Variants in NR4A1 observed in about 807,000 individuals in gnomAD.
The protein encoded by NR4A1 is nuclear receptor subfamily 4immunitygroup A member 1.
Under a neutral mutation model 47.5 loss-of-function variants are expected in NR4A1, and 24 were observed. That is an observed-to-expected ratio of 0.50 (90% CI 0.37 to 0.71). The LOEUF (loss-of-function observed/expected upper bound fraction) is 0.71, where lower values mean the gene tolerates loss of function less well. Among genes scored for constraint, NR4A1 ranks in the 30% least tolerant of loss-of-function variants. NR4A1 has a pLI of 0.00. For synonymous variants in NR4A1, 353 were observed against 345.7 expected, an observed-to-expected ratio of 1.02 and a Z score of -0.24; for missense variants, 669 against 788.6, an observed-to-expected ratio of 0.85 and a Z score of 1.82.
chr12:52,042,413 C>T (rs554442182), intron 2 of NR4A1, among the ~76,000 whole-genome samples: 61 of 152,184 alleles, frequency 4.0e-4, no homozygotes, highest in African/African-American at 1.2e-3. Flanking sequence ...GCCTGCCCCT[C>T]CTCACTGTGG....
intron 1 of NR4A1, chr12:52,053,691 G>C (rs1939097744): frequency 6.6e-6 from 1 of 152,540 alleles, no homozygotes; most frequent in Non-Finnish European, 1.5e-5. Flanking sequence ...CCTTTGCTCA[G>C]TGTGCAGGGT....
rs773192468 is a variant in NR4A1, at chr12:52,054,461, G to C, written c.133G>C (p.Ala45Pro). The C allele has an allele frequency of 5.6e-6, 9 of 1,613,418 alleles. No homozygotes were observed. Among genetic ancestry groups the C allele is most frequent in the African/African-American group, 1.3e-5 (1 of 74,866 alleles). ...MDLASPEAAPAAPTALPSFST... is the reference protein window; with the variant it reads ...MDLASPEAAPPAPTALPSFST... ...CCTGGCCAGCCCCGAGGCAGCCCCC[G>C]CTGCCCCCACTGCCCTGCCCAGCTT... The change falls in exon 2 of 7, where the codon GCT becomes CCT. Residue 45 changes from alanine to proline, a missense_variant. Ala to Pro is a conservative substitution (Grantham distance 27). Coordinates refer to ENST00000394825, the MANE Select transcript of NR4A1 (RefSeq NM_173157.3).
At chr12:52,046,825 T>C (rs1366952263), upstream of NR4A1, among the ~76,000 whole-genome samples, 1 of 151,578 alleles carries the variant, frequency 6.6e-6, no homozygotes, top group Non-Finnish European at 1.5e-5. Context: ...CTACTAAAAA[T>C]ACAAAAAATT....
At chr12:52,057,838 T>C (rs1939357094) in intron 6 of NR4A1, among the ~76,000 whole-genome samples, 1 of 152,174 alleles carries the variant, frequency 6.6e-6, no homozygotes, top group Non-Finnish European at 1.5e-5. Context: ...TTATGCTGCA[T>C]ATAGAAAAGT....
chr12:52,055,178 T>C lies in NR4A1; in HGVS notation c.850T>C (p.Cys284Arg). Reference protein sequence around the residue: ...ASCQHYGVRTCEGCKGFFKRT... With the variant: ...ASCQHYGVRTREGCKGFFKRT... Reference sequence around the variant, plus strand: ...ATGCCAGCATTATGGTGTCCGCACATGTGAGGGCTGCAAGGGCTTCTTCAA... The same window carrying C: ...ATGCCAGCATTATGGTGTCCGCACACGTGAGGGCTGCAAGGGCTTCTTCAA... Residue 284 changes from cysteine (C) to arginine (R), a missense_variant, in exon 2 of 7, where the codon TGT becomes CGT. Transcript: ENST00000394825. The C allele has an allele frequency of 6.2e-7, 1 of 1,613,534 alleles. No individual in the cohort carries two copies. The highest frequency in any genetic ancestry group is 8.5e-7 in the Non-Finnish European group (1 of 1,180,016).
At chr12:52,029,241 G>A (rs2120916934) in intron 1 of NR4A1, among the ~76,000 whole-genome samples, 1 of 152,312 alleles carries the variant, frequency 6.6e-6, no homozygotes, top group East Asian at 1.9e-4. Flanking sequence ...CTCAGATGTG[G>A]GGGCAGAATT....
At chr12:52,052,480 CTG>C (rs1939035506) in intron 1 of NR4A1, 3 of 985,576 alleles carry the variant, frequency 3.0e-6, no homozygotes, top group Non-Finnish European at 3.6e-6. Context: ...CCAGTAGTCT[CTG>C]TTGGATCTTA....
At chr12:52,051,176 C>T (rs1218623374), upstream of NR4A1, among the ~76,000 whole-genome samples, 1 of 152,182 alleles carries the variant, frequency 6.6e-6, no homozygotes, top group Admixed American at 6.5e-5. Context: ...GCGCGAGGAG[C>T]CTATTTATAG....
At chr12:52,034,427 C>T (rs1160028994) in intron 1 of NR4A1, among the ~76,000 whole-genome samples, 1 of 152,224 alleles carries the variant, frequency 6.6e-6, no homozygotes, top group African/African-American at 2.4e-5. Flanking sequence ...GCGTCACTGG[C>T]CATGGTGGCC....
chr12:52,037,167 CGGGCGGCCGCGGGCGCGG>C (rs1764732935), intron 1 of NR4A1: 1 of 149,068 alleles, frequency 6.7e-6, no homozygotes, highest in Non-Finnish European at 1.5e-5. Context: ...GGACAGCGCG[CGGGCGGCCGCGGGCGCGG>C]GGGCGGGGGG....
In NR4A1 at chr12:52,054,726, G is replaced by A. The variant is rs760885655; in HGVS notation, c.398G>A (p.Gly133Asp). 7 of 1,613,120 alleles carry A rather than the reference G, an allele frequency of 4.3e-6. No individual in the cohort carries two copies. The highest frequency in any genetic ancestry group is 5.9e-6 in the Non-Finnish European group (7 of 1,180,016). ...ALSSSGSDYY[G>D]SPCSAPSPST... ...TCCTCCAGTGGCTCTGACTACTATG[G>A]CAGCCCCTGCTCGGCCCCGTCGCCC... The change falls in exon 2 of 7, where the codon GGC (glycine) becomes GAC (aspartate). Residue 133 changes from glycine to aspartate, a missense_variant. Coordinates refer to ENST00000394825, the MANE Select transcript of NR4A1 (RefSeq NM_173157.3).
Position 52,056,124 on chromosome 12 carries a change from T to G in NR4A1, c.971T>G (p.Phe324Cys). Residue 324 changes from phenylalanine (F) to cysteine (C), a missense_variant, in exon 3 of 7, where the codon TTC (phenylalanine) becomes TGC (cysteine). Coordinates refer to ENST00000394825, the MANE Select transcript of NR4A1 (RefSeq NM_173157.3). ...RRRNRCQFCR[F>C]QKCLAVGMVK... ...CGAAACCGCTGCCAGTTCTGCCGCT[T>G]CCAGAAGTGCCTGGCGGTGGGCATG... 1 of 1,611,628 alleles carries G rather than the reference T, an allele frequency of 6.2e-7. No individual in the cohort carries two copies.
At chr12:52,037,335 C>T (rs970197934) in intron 1 of NR4A1, 21 of 984,246 alleles carry the variant, frequency 2.1e-5, no homozygotes, top group African/African-American at 1.8e-5. Context: ...CGCCCGGGAC[C>T]CCCGGCCTCC....
At chr12:52,050,151 G>A (rs1023498750), upstream of NR4A1, among the ~76,000 whole-genome samples, 15 of 152,220 alleles carry the variant, frequency 9.9e-5, no homozygotes, top group African/African-American at 3.6e-4. Flanking sequence ...CCCAGGCTCA[G>A]GAGAGATCAG....
At chr12:52,033,143 TGGCTAGTGACGTAGC>T (rs1336432942) in intron 1 of NR4A1, among the ~76,000 whole-genome samples, 1 of 152,204 alleles carries the variant, frequency 6.6e-6, no homozygotes, top group Non-Finnish European at 1.5e-5. Context: ...CCCTCCGGAC[TGGCTAGTGACGTAGC>T]GGCTTCCCCG....
chr12:52,052,974 C>G (rs1939063881), intron 1 of NR4A1, among the ~76,000 whole-genome samples: 1 of 152,140 alleles, frequency 6.6e-6, no homozygotes, highest in African/African-American at 2.4e-5. Context: ...TGTTCAGGGC[C>G]TGTGGAGTTA....
intron 1 of NR4A1, among the ~76,000 whole-genome samples, chr12:52,039,605 C>G (rs985951859): frequency 6.6e-6 from 1 of 152,240 alleles, no homozygotes; most frequent in South Asian, 2.1e-4. Flanking sequence ...AGCTCCAATG[C>G]AGGCATGTGC....
In NR4A1 at chr12:52,052,783, C is replaced by G. The variant is rs1939054139; in HGVS notation, c.-3+1215C>G. 1.5e-5 allele frequency: 8 copies of G among 519,770 alleles called. No individual in the cohort carries two copies. The South Asian group carries it at 6.6e-4, about 43-fold the overall frequency. The allele number at this position is 519,770 out of a possible 1,614,324, so 32.2% of individuals were successfully genotyped here. A position where few individuals can be genotyped will look rare whatever the true frequency, so the allele number is the denominator to read the frequency against. Reference sequence around the variant, plus strand: ...ACAAGCGCCCAGTTCTGCCCAACTGCTGTCTTTCCTCCTTCACCCCCAGCC... The same window carrying G: ...ACAAGCGCCCAGTTCTGCCCAACTGGTGTCTTTCCTCCTTCACCCCCAGCC... On this transcript the variant is annotated intron_variant, in intron 1 of 6. Coordinates refer to ENST00000394825, the MANE Select transcript of NR4A1 (RefSeq NM_173157.3).
chr12:52,055,306 A>G (rs1256905465), intron 2 of NR4A1, 102 bp downstream of exon 2: 1 of 1,482,636 alleles, frequency 6.7e-7, no homozygotes, highest in African/African-American at 1.4e-5. Flanking sequence ...CTCCTAGCTA[A>G]GTCCTGTCCT....
Sources: gnomAD v4.1 joint callset for allele counts (sites outside exome capture counted in the v4.1 genomes callset) on GRCh38, gnomAD v4.1.1 for gene constraint, MANE v1.5 for transcripts, NCBI Gene and HGNC (gene_info 2026-07-23, HGNC 2026-07-21) for gene names.